The following FNDC3B variants were observed in gnomAD, a reference collection of about 807,000 sequenced individuals.
FNDC3B encodes the protein fibronectin type III domain containing 3B, also known as fibronectin type III domain-containing protein 3B.
FNDC3B carries 12 observed loss-of-function variants against 151.5 expected under a neutral mutation model. That is an observed-to-expected ratio of 0.08 (90% CI 0.05 to 0.13). FNDC3B has a LOEUF of 0.13. Among genes scored for constraint, FNDC3B ranks in the 10% least tolerant of loss-of-function variants. The probability of loss-of-function intolerance (pLI) is 1.00; values close to 1 mark genes in which losing one functional copy is unlikely to be tolerated. For missense variants in FNDC3B, 1,214 were observed against 1,505.3 expected, an observed-to-expected ratio of 0.81 and a Z score of 3.20; for synonymous variants, 528 against 549.0, an observed-to-expected ratio of 0.96 and a Z score of 0.54.
At chr3:172,153,842 G>A (rs899339891) in intron 3 of FNDC3B, among the ~76,000 whole-genome samples, 33 of 152,290 alleles carry the variant, frequency 2.2e-4, no homozygotes, top group African/African-American at 7.2e-4. Context: ...TGTTGCACAG[G>A]TTGGTGGCGA....
chr3:172,354,498 A>AT (rs199625799), intron 22 of FNDC3B, among the ~76,000 whole-genome samples: 2,202 of 151,048 alleles, frequency 0.015, 45 homozygotes, highest in Middle Eastern at 0.059. Context: ...TAAACAATAA[A>AT]AAAAAATAAT....
intron 1 of FNDC3B, among the ~76,000 whole-genome samples, chr3:172,063,944 G>A (rs764972509): frequency 1.3e-5 from 2 of 152,126 alleles, no homozygotes; most frequent in Non-Finnish European, 1.5e-5. Context: ...GTTACATCAT[G>A]AGGGTGGATC....
intron 3 of FNDC3B, among the ~76,000 whole-genome samples, chr3:172,143,953 A>G (rs1292408996): frequency 6.6e-6 from 1 of 151,676 alleles, no homozygotes; most frequent in African/African-American, 2.4e-5. Context: ...ATAAATAAAT[A>G]GTAAATGAGG....
chr3:172,040,889 G>C lies in FNDC3B; in HGVS notation c.-29+1118G>C, dbSNP rs1716005736. 1.3e-5 allele frequency among the ~76,000 whole-genome samples: 2 copies of C among 152,146 alleles called. No homozygotes were observed. The highest frequency in any genetic ancestry group is 4.8e-5 in the African/African-American group (2 of 41,448). On this transcript the variant is annotated intron_variant, in intron 1 of 25. Transcript: ENST00000415807. This position sits in a 1 kb window ranked among gnomAD's most constrained non-coding sequence, Gnocchi z 6.6. ...CCGTCTCGGGAGACTGGGCTGCGCCGCCCGGCGGCGCCTTTGGCGGGGAGG... is the reference window on the plus strand; with the variant it reads ...CCGTCTCGGGAGACTGGGCTGCGCCCCCCGGCGGCGCCTTTGGCGGGGAGG...
chr3:172,347,394 G>A, intron 21 of FNDC3B, 33 bp downstream of exon 21: 1 of 1,567,586 alleles, frequency 6.4e-7, no homozygotes, highest in Non-Finnish European at 8.7e-7. Flanking sequence ...TTACTCACAA[G>A]GACTGCTGTC....
chr3:172,209,549 G>T (rs1725617835), intron 3 of FNDC3B, among the ~76,000 whole-genome samples: 1 of 152,316 alleles, frequency 6.6e-6, no homozygotes, highest in East Asian at 1.9e-4. Context: ...GGGCTCAGAA[G>T]GGAGGGCATG....
chr3:172,108,370 C>A (rs921095309), intron 1 of FNDC3B, among the ~76,000 whole-genome samples: 1 of 152,178 alleles, frequency 6.6e-6, no homozygotes, highest in African/African-American at 2.4e-5. Context: ...GCAATCATTA[C>A]AAACAAATAG....
chr3:172,133,396 TA>T, intron 2 of FNDC3B, 74 bp from the exon 3 acceptor site: 5 of 1,138,028 alleles, frequency 4.4e-6, no homozygotes, highest in Non-Finnish European at 6.5e-6. Flanking sequence ...GTCTAGTATA[TA>T]AATTTAGGTA....
At chr3:172,192,029 C>T (rs747310765) in intron 3 of FNDC3B, among the ~76,000 whole-genome samples, 1 of 152,056 alleles carries the variant, frequency 6.6e-6, no homozygotes, top group Non-Finnish European at 1.5e-5. Flanking sequence ...CTTAACATAG[C>T]AATCTGATTC....
At position 172,398,333 on chromosome 3, in the gene FNDC3B, A is replaced by G. The variant is rs1736396189; in HGVS notation, c.*858A>G. The G allele has an allele frequency of 6.6e-6, 1 of 152,656 alleles. No individual in the cohort carries two copies. The highest frequency in any genetic ancestry group is 2.4e-5 in the African/African-American group (1 of 41,456). The allele number at this position is 152,656 out of a possible 1,614,324, so 9.5% of individuals were successfully genotyped here. A position where few individuals can be genotyped will look rare whatever the true frequency, so the allele number is the denominator to read the frequency against. ...ATTATATTCTGTTATGTTTGACCAG[A>G]ATTATATGACAAGAACTGGTGACAG... On this transcript the variant is annotated 3_prime_UTR_variant, in exon 26 of 26. Transcript: ENST00000415807.
chr3:172,074,975 A>C (rs1179676851), intron 1 of FNDC3B, among the ~76,000 whole-genome samples: 1 of 152,232 alleles, frequency 6.6e-6, no homozygotes, highest in Non-Finnish European at 1.5e-5. Context: ...TGATCCAATC[A>C]CAACTATTTG....
At chr3:172,090,027 T>G (rs573782443) in intron 1 of FNDC3B, among the ~76,000 whole-genome samples, 1 of 152,218 alleles carries the variant, frequency 6.6e-6, no homozygotes, top group Admixed American at 6.5e-5. Context: ...AATCCTGATA[T>G]GTAAATTGTT....
chr3:172,041,379 C>CTTTCT (rs1716043248), intron 1 of FNDC3B, among the ~76,000 whole-genome samples: 1 of 150,978 alleles, frequency 6.6e-6, no homozygotes, highest in Non-Finnish European at 1.5e-5. Flanking sequence ...TTCTTTCTTT[C>CTTTCT]TTTCTTTTTC....
chr3:172,213,353 A>G (rs1725823765), intron 3 of FNDC3B, among the ~76,000 whole-genome samples: 2 of 152,218 alleles, frequency 1.3e-5, no homozygotes, highest in African/African-American at 2.4e-5. Flanking sequence ...ACATGGGAAC[A>G]TGGGGATTCT....
At chr3:172,208,207 A>C (rs1725530253) in intron 3 of FNDC3B, among the ~76,000 whole-genome samples, 2 of 152,198 alleles carry the variant, frequency 1.3e-5, no homozygotes, top group Admixed American at 6.5e-5. Context: ...GAAAAACCGA[A>C]GGTGTGATGA....
chr3:172,337,743 G>T, intron 16 of FNDC3B: 1 of 269,214 alleles, frequency 3.7e-6, no homozygotes. Flanking sequence ...GGAGGGCAGT[G>T]GCACAAACAT....
intron 23 of FNDC3B, among the ~76,000 whole-genome samples, chr3:172,367,845 T>A (rs750788847): frequency 1.6e-4 from 25 of 152,142 alleles, no homozygotes; most frequent in Non-Finnish European, 3.2e-4. Flanking sequence ...AAGCCTCCCA[T>A]GAAATTGGGC....
rs533446502 is a variant in FNDC3B, at chr3:172,099,673, A to C, written c.-28-12779A>C. Among the ~76,000 whole-genome samples the C allele has an allele frequency of 3.0e-4, 46 of 152,328 alleles. 1 individual carries two copies. The South Asian group carries it at 8.1e-3, about 27-fold the overall frequency. On this transcript the variant is annotated intron_variant, in intron 1 of 25. Coordinates refer to ENST00000415807, the MANE Select transcript of FNDC3B (RefSeq NM_022763.4). ...CCCTCCAGCCTGCTTTTCTGCTCTC[A>C]TGATTTACCAAATGAATTTGCCTCA...
intron 6 of FNDC3B, among the ~76,000 whole-genome samples, chr3:172,259,968 A>AT (rs964681232): frequency 3.3e-5 from 5 of 152,230 alleles, no homozygotes; most frequent in Admixed American, 3.3e-4. Flanking sequence ...TTTGAAATGA[A>AT]TGTTCACCAG....
Sources: gnomAD v4.1 joint callset for allele counts (sites outside exome capture counted in the v4.1 genomes callset) on GRCh38, gnomAD v4.1.1 for gene constraint, Gnocchi (gnomAD v3.1) non-coding constraint, MANE v1.5 for transcripts, NCBI Gene and HGNC (gene_info 2026-07-23, HGNC 2026-07-21) for gene names.